Variants in STK31 observed in about 807,000 individuals in gnomAD.
STK31 encodes the protein serine/threonine kinase 31, also known as serine/threonine-protein kinase 31.
In STK31, 89 loss-of-function variants were observed where a neutral mutation model predicts 129.7. That is an observed-to-expected ratio of 0.69 (90% CI 0.58 to 0.82). The LOEUF (loss-of-function observed/expected upper bound fraction) is 0.82, where lower values mean the gene tolerates loss of function less well. STK31 is among the 40% of genes least tolerant of loss of function. STK31 has a pLI of 0.00. For synonymous variants in STK31, 448 were observed against 395.3 expected (o/e 1.13, Z -1.58); for missense variants, 1,187 against 1,176.4 (o/e 1.01, Z -0.13).
intron 15 of STK31, among the ~76,000 whole-genome samples, chr7:23,775,769 C>T (rs904176298): frequency 9.2e-5 from 14 of 152,200 alleles, no homozygotes; most frequent in Non-Finnish European, 1.8e-4. Flanking sequence ...ATCATGTCAT[C>T]TGCAAACAGA....
chr7:23,781,525 G>C lies in STK31; in HGVS notation c.2067+5G>C, dbSNP rs376061489. ...TATCATGAGAGAGAGGAATATGTAA[G>C]TATTTGGTTCTTTGAAGTTTTACAT... On this transcript the variant is annotated splice_donor_5th_base_variant and intron_variant, in intron 16 of 23. Coordinates refer to ENST00000355870, the MANE Select transcript of STK31 (RefSeq NM_031414.5). 1.3e-6 allele frequency: 2 copies of C among 1,592,182 alleles called. No homozygotes were observed. Among genetic ancestry groups the C allele is most frequent in the Admixed American group, 3.6e-5 (2 of 55,800 alleles).
At chr7:23,773,361 A>G (rs1170630391) in intron 15 of STK31, among the ~76,000 whole-genome samples, 2 of 152,142 alleles carry the variant, frequency 1.3e-5, no homozygotes, top group African/African-American at 4.8e-5. Flanking sequence ...GTCCCTGCAA[A>G]GAACACGAAC....
chr7:23,774,330 A>G (rs983726411), intron 15 of STK31, among the ~76,000 whole-genome samples: 1 of 151,998 alleles, frequency 6.6e-6, no homozygotes, highest in Admixed American at 6.6e-5. Context: ...TGGTATTTCT[A>G]GTTCTAGATC....
chr7:23,751,182 A>G (rs1788687108), intron 8 of STK31, among the ~76,000 whole-genome samples: 1 of 152,094 alleles, frequency 6.6e-6, no homozygotes, highest in South Asian at 2.1e-4. Context: ...AGTTCCATCC[A>G]TGTTGCTGCA....
chr7:23,817,166 C>T (rs1010505656), intron 23 of STK31, among the ~76,000 whole-genome samples: 6 of 151,542 alleles, frequency 4.0e-5, no homozygotes, highest in East Asian at 1.9e-4. Context: ...CCAGCCTGGG[C>T]GACAGAACAA....
intron 18 of STK31, 93 bp downstream of exon 18, chr7:23,785,696 G>T: frequency 6.8e-7 from 1 of 1,463,100 alleles, no homozygotes; most frequent in African/African-American, 1.4e-5. Context: ...CTCACTGTTA[G>T]TTTTCTAAAG....
chr7:23,786,545 T>C lies in STK31; in HGVS notation c.2312T>C (p.Ile771Thr), dbSNP rs1394384669. 3.7e-6 allele frequency: 6 copies of C among 1,613,472 alleles called. No homozygotes were observed. The highest frequency in any genetic ancestry group is 1.3e-5 in the African/African-American group (1 of 74,874). ...SVDVDTEAKV[I>T]ERAATYHRAW... Reference sequence around the variant, plus strand: ...GATGTTGACACAGAAGCCAAGGTGATTGAGAGAGCAGCCACCTACCATAGA... The same window carrying C: ...GATGTTGACACAGAAGCCAAGGTGACTGAGAGAGCAGCCACCTACCATAGA... The change falls in exon 19 of 24, where the codon ATT becomes ACT. Residue 771 changes from isoleucine (I) to threonine (T), a missense_variant. Transcript: ENST00000355870.
chr7:23,797,269 T>C (rs1414611634), intron 22 of STK31, among the ~76,000 whole-genome samples: 21 of 152,174 alleles, frequency 1.4e-4, no homozygotes, highest in Admixed American at 1.3e-3. Flanking sequence ...GTGGACCTAA[T>C]AGACACCTAC....
intron 11 of STK31, among the ~76,000 whole-genome samples, chr7:23,763,125 G>A (rs1789572164): frequency 6.6e-6 from 1 of 152,032 alleles, no homozygotes; most frequent in Non-Finnish European, 1.5e-5. Flanking sequence ...TATCTATCTT[G>A]CAAACAAGGT....
chr7:23,719,281 A>G (rs1157236321), intron 4 of STK31, among the ~76,000 whole-genome samples: 4 of 152,134 alleles, frequency 2.6e-5, no homozygotes, highest in African/African-American at 4.8e-5. Flanking sequence ...ATGAAAATCT[A>G]CTGTACACTT....
intron 22 of STK31, among the ~76,000 whole-genome samples, chr7:23,813,078 C>CTTTTTTTTTTTTTTTTTTTTTTT (rs70956924): frequency 6.1e-4 from 57 of 94,106 alleles, no homozygotes; most frequent in East Asian, 6.8e-4. Flanking sequence ...GCTCTCTGTT[C>CTTTTTTTTTTTTTTTTTTTTTTT]TTTTTTTTTT....
intron 22 of STK31, among the ~76,000 whole-genome samples, chr7:23,810,165 G>C (rs966478387): frequency 2.6e-5 from 4 of 151,862 alleles, no homozygotes; most frequent in African/African-American, 9.7e-5. Flanking sequence ...TTCTTTTTCT[G>C]TAGTAATTTT....
At chr7:23,787,207 G>A (rs866354989) in intron 20 of STK31, among the ~76,000 whole-genome samples, 1 of 152,200 alleles carries the variant, frequency 6.6e-6, no homozygotes, top group Non-Finnish European at 1.5e-5. Flanking sequence ...CAACTGCTAA[G>A]CTGTGCTGTA....
In STK31 at chr7:23,710,285, T is replaced by A. The variant is rs1329483433; in HGVS notation, c.-1T>A. 10 of 1,611,398 alleles carry A rather than the reference T, an allele frequency of 6.2e-6. No individual in the cohort carries two copies. Among genetic ancestry groups the A allele is most frequent in the Non-Finnish European group, 8.5e-6 (10 of 1,179,820 alleles). On this transcript the variant is annotated 5_prime_UTR_variant, in exon 1 of 24. Coordinates refer to ENST00000355870, the MANE Select transcript of STK31 (RefSeq NM_031414.5). Reference sequence around the variant, plus strand: ...GGCGGGCGGAGGGCCGAAAGTCCAGTATGTGGGTCCAGGGTCACTCTTCTA... The same window carrying A: ...GGCGGGCGGAGGGCCGAAAGTCCAGAATGTGGGTCCAGGGTCACTCTTCTA...
chr7:23,752,838 T>G lies in STK31; in HGVS notation c.1133+6T>G, dbSNP rs746882331. On this transcript the variant is annotated splice_donor_region_variant and intron_variant, in intron 9 of 23. Coordinates refer to ENST00000355870, the MANE Select transcript of STK31 (RefSeq NM_031414.5). ...GAAATACTGAAAGAAATGAGGTAGGTAAAAGCATATTTTTCAGAAGGATAT... is the reference window on the plus strand; with the variant it reads ...GAAATACTGAAAGAAATGAGGTAGGGAAAAGCATATTTTTCAGAAGGATAT... 5 of 1,547,082 alleles carry G rather than the reference T, an allele frequency of 3.2e-6. No individual in the cohort carries two copies. Among genetic ancestry groups the G allele is most frequent in the Admixed American group, 3.5e-5 (2 of 57,452 alleles).
chr7:23,805,115 G>A (rs141897331), intron 22 of STK31, among the ~76,000 whole-genome samples: 7 of 149,560 alleles, frequency 4.7e-5, no homozygotes, highest in African/African-American at 1.5e-4. Context: ...TTGCTCTGTC[G>A]CCCAGGCTAG....
At chr7:23,804,469 A>G (rs945111632) in intron 22 of STK31, among the ~76,000 whole-genome samples, 1 of 152,142 alleles carries the variant, frequency 6.6e-6, no homozygotes, top group South Asian at 2.1e-4. Flanking sequence ...AATTTTAGCC[A>G]CAGTTATATG....
chr7:23,731,661 G>A (rs545064739), intron 6 of STK31, among the ~76,000 whole-genome samples: 7 of 152,206 alleles, frequency 4.6e-5, no homozygotes, highest in African/African-American at 1.7e-4. Context: ...ACACTTTCAC[G>A]CTATGCTGCA....
chr7:23,780,293 T>G (rs986315555), intron 15 of STK31, among the ~76,000 whole-genome samples: 1 of 152,204 alleles, frequency 6.6e-6, no homozygotes, highest in Admixed American at 6.5e-5. Flanking sequence ...GCCATCTTAG[T>G]ATCTGGATCC....
Sources: gnomAD v4.1 joint callset for allele counts (sites outside exome capture counted in the v4.1 genomes callset) on GRCh38, gnomAD v4.1.1 for gene constraint, MANE v1.5 for transcripts, NCBI Gene and HGNC (gene_info 2026-07-23, HGNC 2026-07-21) for gene names.